Variants in NRCAM observed in about 807,000 individuals in gnomAD.
NRCAM encodes neuronal cell adhesion molecule, also known as NgCAM-related cell adhesion molecule.
In NRCAM, 83 loss-of-function variants were observed where a neutral mutation model predicts 156.5. The ratio of observed to expected loss-of-function variants is 0.53; its 90% CI spans 0.44 to 0.64. The LOEUF is 0.64. NRCAM is among the 30% of genes least tolerant of loss of function. The pLI, the probability that NRCAM is intolerant of heterozygous loss-of-function variation, is 0.00. For missense variants in NRCAM, 1,417 were observed against 1,597.3 expected (o/e 0.89, Z 1.92); for synonymous variants, 538 against 563.9 (o/e 0.95, Z 0.65).
chr7:108,427,110 G>C (rs1818314011), intron 1 of NRCAM, among the ~76,000 whole-genome samples: 1 of 152,000 alleles, frequency 6.6e-6, no homozygotes, highest in South Asian at 2.1e-4. Context: ...CACTCTCTAG[G>C]CTCCTCACTC....
intron 1 of NRCAM, among the ~76,000 whole-genome samples, chr7:108,443,219 A>G (rs1840591615): frequency 6.6e-6 from 1 of 152,060 alleles, no homozygotes; most frequent in Non-Finnish European, 1.5e-5. Flanking sequence ...TGCCATACAC[A>G]TGACATTAAT....
chr7:108,413,579 C>T (rs192644131), intron 1 of NRCAM, among the ~76,000 whole-genome samples: 8 of 152,278 alleles, frequency 5.3e-5, no homozygotes, highest in African/African-American at 1.9e-4. Context: ...TGATCTCACA[C>T]ATTTTTATTC....
chr7:108,434,246 G>A (rs929311707), intron 1 of NRCAM, among the ~76,000 whole-genome samples: 2 of 152,192 alleles, frequency 1.3e-5, no homozygotes, highest in African/African-American at 4.8e-5. Context: ...GTGAAAAACA[G>A]CAGCTTCACT....
chr7:108,385,786 T>C (rs1249595998), intron 2 of NRCAM, among the ~76,000 whole-genome samples: 1 of 152,116 alleles, frequency 6.6e-6, no homozygotes, highest in Non-Finnish European at 1.5e-5. Flanking sequence ...ATGGAATGTA[T>C]TGGAGAGAAT....
chr7:108,173,225 A>T (rs2059215301), intron 28 of NRCAM, among the ~76,000 whole-genome samples: 1 of 152,022 alleles, frequency 6.6e-6, no homozygotes, highest in South Asian at 2.1e-4. Context: ...ACCTCACGTG[A>T]TCTGCCCGCC....
At chr7:108,420,058 G>GTC (rs369263113) in intron 1 of NRCAM, among the ~76,000 whole-genome samples, 8,757 of 151,852 alleles carry the variant, frequency 0.058, 821 homozygotes, top group African/African-American at 0.2. Context: ...GTGTGTGTGT[G>GTC]TGTGTGTGTG....
At chr7:108,206,149 C>T (rs1311567627) in intron 13 of NRCAM, among the ~76,000 whole-genome samples, 2 of 152,206 alleles carry the variant, frequency 1.3e-5, no homozygotes, top group Non-Finnish European at 2.9e-5. Context: ...TACTGTACTA[C>T]GAGACACAAG....
intron 1 of NRCAM, among the ~76,000 whole-genome samples, chr7:108,423,180 T>C (rs1597441630): frequency 6.6e-6 from 1 of 151,910 alleles, no homozygotes; most frequent in Admixed American, 6.6e-5. Flanking sequence ...TTTTTGCATA[T>C]ATGGAATAAT....
chr7:108,307,349 C>T (rs573640234), intron 3 of NRCAM, among the ~76,000 whole-genome samples: 17 of 152,330 alleles, frequency 1.1e-4, no homozygotes, highest in Admixed American at 2.0e-4. Context: ...TTCACTGTAG[C>T]ATGCTAAAGA....
intron 11 of NRCAM, among the ~76,000 whole-genome samples, chr7:108,222,111 G>A (rs939478758): frequency 3.3e-5 from 5 of 152,074 alleles, no homozygotes; most frequent in Non-Finnish European, 7.4e-5. Flanking sequence ...ATATACATGT[G>A]GAATCTGATA....
chr7:108,426,632 A>C (rs1470172178), intron 1 of NRCAM, among the ~76,000 whole-genome samples: 1 of 152,258 alleles, frequency 6.6e-6, no homozygotes, highest in Non-Finnish European at 1.5e-5. Context: ...CCCCATCAGC[A>C]GATTAAGACC....
At chr7:108,189,889 G>T in intron 19 of NRCAM, 143 bp from the exon 20 acceptor site, 1 of 544,424 alleles carries the variant, frequency 1.8e-6, no homozygotes, top group South Asian at 2.5e-5. Context: ...AAGGAAATGT[G>T]CACAGCTGAG....
intron 32 of NRCAM, among the ~76,000 whole-genome samples, chr7:108,152,415 G>C (rs943458979): frequency 6.6e-6 from 1 of 151,940 alleles, no homozygotes; most frequent in South Asian, 2.1e-4. Flanking sequence ...GTGTGGCTGG[G>C]GGGAGGGAGA....
intron 3 of NRCAM, among the ~76,000 whole-genome samples, chr7:108,286,565 T>C (rs2098110688): frequency 6.6e-6 from 1 of 152,180 alleles, no homozygotes; most frequent in African/African-American, 2.4e-5. Context: ...TATTGAATGA[T>C]TAACATGTAT....
At chr7:108,175,013 A>G (rs900294523) in intron 28 of NRCAM, among the ~76,000 whole-genome samples, 3 of 152,244 alleles carry the variant, frequency 2.0e-5, no homozygotes, top group Non-Finnish European at 2.9e-5. Context: ...GCATGGCCAT[A>G]TAGAGGATCT....
rs1181144115 is a variant in NRCAM at position 108,391,677 on chromosome 7, C to G, written c.-174+7759G>C. On this transcript the variant is annotated intron_variant, in intron 2 of 32. Coordinates refer to ENST00000379028, the MANE Select transcript of NRCAM (RefSeq NM_001037132.4). Reference sequence around the variant, plus strand: ...GCAGTTTCTTCCTAGCCTTGATGGTCTTTACAATTTGGCATGTTTTTGCAG... The same window carrying G: ...GCAGTTTCTTCCTAGCCTTGATGGTGTTTACAATTTGGCATGTTTTTGCAG... Among the ~76,000 whole-genome samples the G allele has an allele frequency of 3.9e-5, 6 of 152,302 alleles. No individual in the cohort carries two copies. The East Asian group carries it at 1.2e-3, about 29-fold the overall frequency.
At chr7:108,211,331 AG>A (rs1353753607) in intron 11 of NRCAM, among the ~76,000 whole-genome samples, 2 of 152,164 alleles carry the variant, frequency 1.3e-5, no homozygotes, top group African/African-American at 4.8e-5. Context: ...CACAGGGAGA[AG>A]GAAGTCTCCA....
At chr7:108,241,393 T>C (rs2095518218) in intron 3 of NRCAM, among the ~76,000 whole-genome samples, 1 of 152,178 alleles carries the variant, frequency 6.6e-6, no homozygotes, top group Non-Finnish European at 1.5e-5. Context: ...AAATGATAGG[T>C]TTAATCATGT....
intron 3 of NRCAM, among the ~76,000 whole-genome samples, chr7:108,259,859 A>G (rs1190706539): frequency 6.6e-6 from 1 of 152,164 alleles, no homozygotes; most frequent in Non-Finnish European, 1.5e-5. Context: ...GGAGGGAGAG[A>G]GAGCATCAGG....
Sources: allele counts gnomAD v4.1 joint callset (sites outside exome capture counted in the v4.1 genomes callset), GRCh38; gene constraint gnomAD v4.1.1; transcripts MANE v1.5; gene names NCBI Gene and HGNC (gene_info 2026-07-23, HGNC 2026-07-21).